Variants in LHX2 observed in about 807,000 individuals in gnomAD.
LHX2 encodes the protein LIM homeobox 2, also known as LIM/homeobox protein Lhx2.
LHX2 carries 6 observed loss-of-function variants against 33.0 expected under a neutral mutation model. The observed-to-expected ratio is 0.18, with a 90% CI of 0.10 to 0.36. LHX2 has a LOEUF of 0.36. Among genes scored for constraint, LHX2 ranks in the 10% least tolerant of loss-of-function variants. LHX2 has a pLI of 1.00. For synonymous variants in LHX2, 292 were observed against 253.1 expected, an observed-to-expected ratio of 1.15 and a Z score of -1.46; for missense variants, 442 against 586.2, an observed-to-expected ratio of 0.75 and a Z score of 2.54.
chr9:124,015,279 A>T lies in LHX2; in HGVS notation c.481A>T (p.Ser161Cys), dbSNP rs2118748935. 6.2e-7 allele frequency: 1 copy of T among 1,614,148 alleles called. No individual in the cohort carries two copies. ...TTGDHFGMKD[S>C]LVYCRLHFEA... ...GGGCGACCACTTCGGCATGAAGGAC[A>T]GCCTGGTCTACTGCCGCTTGCACTT... Residue 161 changes from serine (S) to cysteine (C), a missense_variant, in exon 3 of 5, where the codon AGC becomes TGC. Ser to Cys is a moderately radical substitution (Grantham distance 112, BLOSUM62 -1). Coordinates refer to ENST00000373615, the MANE Select transcript of LHX2 (RefSeq NM_004789.4). The surrounding 1 kb of genome is among the most constrained non-coding windows in gnomAD (Gnocchi z 7.9).
At position 124,015,349 on chromosome 9, in the gene LHX2, C is replaced by T. The variant is rs761390346; in HGVS notation, c.551C>T (p.Ala184Val). Residue 184 changes from alanine (A) to valine (V), a missense_variant, in exon 3 of 5, where the codon GCC (alanine) becomes GTC (valine). Ala to Val is a moderately conservative substitution (Grantham distance 64). Transcript: ENST00000373615. The surrounding 1 kb of genome is among the most constrained non-coding windows in gnomAD (Gnocchi z 7.9). ...QGEYPAHFNH[A>V]DVAAAAAAAA... is the part of the protein sequence containing the mutation. ...GAGTACCCCGCACACTTCAACCATG[C>T]CGACGTGGCAGCGGCGGCCGCTGCA... 1.2e-6 allele frequency: 2 copies of T among 1,611,626 alleles called. No individual in the cohort carries two copies. Among genetic ancestry groups the T allele is most frequent in the Non-Finnish European group, 1.7e-6 (2 of 1,178,738 alleles).
In LHX2 at chr9:124,021,289, C is replaced by T; in HGVS notation, c.918C>T (p.Thr306=). The T allele has an allele frequency of 6.2e-7, 1 of 1,613,672 alleles. No individual in the cohort carries two copies. The highest frequency in any genetic ancestry group is 8.5e-7 in the Non-Finnish European group (1 of 1,180,020). The change falls in exon 4 of 5, where the codon ACC becomes ACT. Residue 306 remains threonine, a synonymous_variant. Coordinates refer to ENST00000373615, the MANE Select transcript of LHX2 (RefSeq NM_004789.4). ...AGCTCGCGCAAAAGACGGGCCTCACCAAGCGGGTCCTCCAGGTCAGCCAGG... is the reference window on the plus strand; with the variant it reads ...AGCTCGCGCAAAAGACGGGCCTCACTAAGCGGGTCCTCCAGGTCAGCCAGG... The part of the protein sequence containing the change: ...LKQLAQKTGL[T]KRVLQVWFQN...
In LHX2 at chr9:124,014,092, G is replaced by A. The variant is rs747005272; in HGVS notation, c.252G>A (p.Lys84=). 7 of 1,613,744 alleles carry A rather than the reference G, an allele frequency of 4.3e-6. No individual in the cohort carries two copies. The highest frequency in any genetic ancestry group is 5.9e-6 in the Non-Finnish European group (7 of 1,180,028). ...GCTGCCTCAAGTGCTGCGAGTGCAA[G>A]CTCAACCTGGAGTCGGAGCTCACCT... ...HMRCLKCCEC[K]LNLESELTCF... The change falls in exon 2 of 5, where the codon AAG becomes AAA. Residue 84 remains lysine, a synonymous_variant. Coordinates refer to ENST00000373615, the MANE Select transcript of LHX2 (RefSeq NM_004789.4). This position sits in a 1 kb window ranked among gnomAD's most constrained non-coding sequence, Gnocchi z 4.8.
At chr9:124,027,781 G>C (rs1198584472) in intron 4 of LHX2, among the ~76,000 whole-genome samples, 2 of 151,954 alleles carry the variant, frequency 1.3e-5, no homozygotes, top group African/African-American at 4.8e-5. Flanking sequence ...TCGCACTACT[G>C]TACTCCAGCC....
At position 124,015,445 on chromosome 9, in the gene LHX2, G is replaced by A. The variant is rs1859170802; in HGVS notation, c.647G>A (p.Gly216Asp). Residue 216 changes from glycine to aspartate, a missense_variant, in exon 3 of 5, where the codon GGC becomes GAC. Gly to Asp is a moderately conservative substitution (Grantham distance 94, BLOSUM62 -1). Transcript: ENST00000373615. This position sits in a 1 kb window ranked among gnomAD's most constrained non-coding sequence, Gnocchi z 7.9. Reference protein sequence around the residue: ...ANPLGLPYYNGVGTVQKGRPR... With the variant: ...ANPLGLPYYNDVGTVQKGRPR... ...CCTCTGGGTCTTCCCTACTACAATG[G>A]CGTGGGCACTGTGCAGAAGGGGCGG... The A allele has an allele frequency of 6.4e-7, 1 of 1,573,898 alleles. No homozygotes were observed. Among genetic ancestry groups the A allele is most frequent in the Non-Finnish European group, 8.6e-7 (1 of 1,161,234 alleles).
intron 4 of LHX2, among the ~76,000 whole-genome samples, chr9:124,028,570 C>G (rs1311499007): frequency 6.6e-6 from 1 of 152,202 alleles, no homozygotes; most frequent in Non-Finnish European, 1.5e-5. Context: ...AGGTGAGGGA[C>G]AAACCCGAGG....
At chr9:124,013,348 A>G (rs2118743050) in intron 1 of LHX2, among the ~76,000 whole-genome samples, 1 of 152,248 alleles carries the variant, frequency 6.6e-6, no homozygotes, top group South Asian at 2.1e-4. Context: ...CCTGTCCTTC[A>G]CCCACGGACT....
chr9:124,029,275 G>C (rs1828676487), intron 4 of LHX2, among the ~76,000 whole-genome samples: 1 of 152,164 alleles, frequency 6.6e-6, no homozygotes, highest in African/African-American at 2.4e-5. Flanking sequence ...ATACATGTCA[G>C]CCATTCCTAT....
In LHX2 at chr9:124,012,043, C is replaced by T. The variant is rs1859096057; in HGVS notation, c.-306C>T. On this transcript the variant is annotated 5_prime_UTR_variant, in exon 1 of 5. Coordinates refer to ENST00000373615, the MANE Select transcript of LHX2 (RefSeq NM_004789.4). This position sits in a 1 kb window ranked among gnomAD's most constrained non-coding sequence, Gnocchi z 4.3. The stretch of plus-strand genomic sequence containing the variant: ...GGCGTGAAAGCGCCCGCGGCGGGCG[C>T]CGACCTCTGTCCTAGTCTCCTGCTC... 1 of 156,684 alleles carries T rather than the reference C, an allele frequency of 6.4e-6. No individual in the cohort carries two copies. The highest frequency in any genetic ancestry group is 6.5e-5 in the Admixed American group (1 of 15,446). The allele number at this position is 156,684 out of a possible 1,614,324, so 9.7% of individuals were successfully genotyped here. A position where few individuals can be genotyped will look rare whatever the true frequency, so the allele number is the denominator to read the frequency against.
In LHX2 at chr9:124,014,106, C is replaced by T. The variant is rs1859141802; in HGVS notation, c.266C>T (p.Ser89Leu). The change falls in exon 2 of 5, where the codon TCG becomes TTG. Residue 89 changes from serine to leucine, a missense_variant. By Grantham distance (145) the Ser-to-Leu change is moderately radical. Transcript: ENST00000373615. The surrounding 1 kb of genome is among the most constrained non-coding windows in gnomAD (Gnocchi z 4.8). ...KCCECKLNLE[S>L]ELTCFSKDGS... ...TGCGAGTGCAAGCTCAACCTGGAGT[C>T]GGAGCTCACCTGTTTCAGCAAGGAC... 1.2e-6 allele frequency: 2 copies of T among 1,613,630 alleles called. No homozygotes were observed. The highest frequency in any genetic ancestry group is 1.7e-6 in the Non-Finnish European group (2 of 1,180,020).
At chr9:124,030,392 G>T (rs968632967) in intron 4 of LHX2, among the ~76,000 whole-genome samples, 4 of 152,156 alleles carry the variant, frequency 2.6e-5, no homozygotes, top group Non-Finnish European at 4.4e-5. Context: ...GAGGCCCTTT[G>T]TTTTATGGGG....
Position 124,020,178 on chromosome 9 carries a change from G to A in LHX2, c.728-921G>A, listed in dbSNP as rs921430123. Among the ~76,000 whole-genome samples, 3 of 152,148 alleles carry A rather than the reference G, an allele frequency of 2.0e-5. No homozygotes were observed. The East Asian group carries it at 5.8e-4, about 29-fold the overall frequency. Reference sequence around the variant, plus strand: ...GTTAGTTTCCACATCTCTAAAATGGGAATAGTCATAGCCACCTCTCTGAGA... The same window carrying A: ...GTTAGTTTCCACATCTCTAAAATGGAAATAGTCATAGCCACCTCTCTGAGA... On this transcript the variant is annotated intron_variant, in intron 3 of 4. Transcript: ENST00000373615.
chr9:124,030,483 AC>A (rs1302092513), intron 4 of LHX2, among the ~76,000 whole-genome samples: 1 of 151,580 alleles, frequency 6.6e-6, no homozygotes, highest in South Asian at 2.1e-4. Context: ...GGAAGGTTCA[AC>A]CCCCCCAGAG....
Position 124,016,816 on chromosome 9 carries a change from T to C in LHX2, c.727+1291T>C, listed in dbSNP as rs1434614106. ...TTTGCTGAAGGCACTACCACAGATG[T>C]AGCTCTCTGGAACTTCCATCCCTCC... On this transcript the variant is annotated intron_variant, in intron 3 of 4. Coordinates refer to ENST00000373615, the MANE Select transcript of LHX2 (RefSeq NM_004789.4). The surrounding 1 kb of genome is among the most constrained non-coding windows in gnomAD (Gnocchi z 4.4). Among the ~76,000 whole-genome samples the C allele has an allele frequency of 1.3e-5, 2 of 152,106 alleles. No homozygotes were observed. Among genetic ancestry groups the C allele is most frequent in the Non-Finnish European group, 1.5e-5 (1 of 68,012 alleles).
intron 3 of LHX2, among the ~76,000 whole-genome samples, chr9:124,017,488 G>T (rs910629139): frequency 6.6e-6 from 1 of 152,216 alleles, no homozygotes; most frequent in Non-Finnish European, 1.5e-5. Flanking sequence ...TGGCCGCAGT[G>T]TGGGCCGCGG....
chr9:124,022,876 G>A (rs1859317511), intron 4 of LHX2, among the ~76,000 whole-genome samples: 2 of 152,188 alleles, frequency 1.3e-5, no homozygotes, highest in African/African-American at 4.8e-5. Context: ...TGCGGGAGAG[G>A]GAGGACTGGG....
Position 124,021,127 on chromosome 9 carries a change from G to T in LHX2, c.756G>T (p.Glu252Asp). ...TAAGCTGCAACGAAAACGACGCAGA[G>T]CACCTGGACCGTGACCAGCCATACC... The part of the protein sequence containing the change: ...AALSCNENDA[E>D]HLDRDQPYPS... The change falls in exon 4 of 5, where the codon GAG (glutamate) becomes GAT (aspartate). Residue 252 changes from glutamate to aspartate, a missense_variant. Glu to Asp is a conservative substitution (Grantham distance 45, BLOSUM62 2). Coordinates refer to ENST00000373615, the MANE Select transcript of LHX2 (RefSeq NM_004789.4). 1.2e-6 allele frequency: 2 copies of T among 1,614,136 alleles called. No homozygotes were observed. Among genetic ancestry groups the T allele is most frequent in the Non-Finnish European group, 1.7e-6 (2 of 1,180,046 alleles).
chr9:124,031,000 C>T (rs1014976397), intron 4 of LHX2, among the ~76,000 whole-genome samples: 1 of 152,062 alleles, frequency 6.6e-6, no homozygotes, highest in Non-Finnish European at 1.5e-5. Flanking sequence ...GGAGTGGACG[C>T]GTGTGTGTCT....
In LHX2 at chr9:124,011,989, G is replaced by T. The variant is rs1859094023; in HGVS notation, c.-360G>T. The T allele has an allele frequency of 1.3e-5, 2 of 152,458 alleles. No individual in the cohort carries two copies. Among genetic ancestry groups the T allele is most frequent in the South Asian group, 4.1e-4 (2 of 4,820 alleles). 9.4% of individuals were successfully genotyped at this position (152,458 alleles called of 1,614,324 possible). A position where few individuals can be genotyped will look rare whatever the true frequency, so the allele number is the denominator to read the frequency against. ...GTTTGCGCCCTTGCTTTGCGCCCCGGGCGCTGAAGCCGGGCGGGCGATGCC... is the reference window on the plus strand; with the variant it reads ...GTTTGCGCCCTTGCTTTGCGCCCCGTGCGCTGAAGCCGGGCGGGCGATGCC... On this transcript the variant is annotated 5_prime_UTR_variant, in exon 1 of 5. Coordinates refer to ENST00000373615, the MANE Select transcript of LHX2 (RefSeq NM_004789.4).
Sources: allele counts gnomAD v4.1 joint callset (sites outside exome capture counted in the v4.1 genomes callset), GRCh38; gene constraint gnomAD v4.1.1; non-coding constraint Gnocchi (gnomAD v3.1); transcripts MANE v1.5; gene names NCBI Gene and HGNC (gene_info 2026-07-23, HGNC 2026-07-21).